EDNRA: variants seen among roughly 807,000 people sequenced by gnomAD.
EDNRA encodes the protein endothelin receptor type A.
EDNRA carries 11 observed loss-of-function variants against 41.4 expected under a neutral mutation model. The observed-to-expected ratio is 0.27, with a 90% CI of 0.17 to 0.44. EDNRA has a LOEUF of 0.44. Among genes scored for constraint, EDNRA ranks in the 20% least tolerant of loss-of-function variants. The pLI is 1.00. For missense variants in EDNRA, 294 were observed against 531.0 expected (o/e 0.55, Z 4.39); for synonymous variants, 172 against 183.0 (o/e 0.94, Z 0.49).
At chr4:147,490,157 A>T (rs1729091325) in intron 2 of EDNRA, 1 of 133,514 alleles carries the variant, frequency 7.5e-6, no homozygotes, top group South Asian at 2.1e-4. Flanking sequence ...TCACACACAC[A>T]CACACACACA....
chr4:147,519,806 C>T lies in EDNRA; in HGVS notation c.421-45C>T, dbSNP rs200517333. 75 of 1,598,754 alleles carry T rather than the reference C, an allele frequency of 4.7e-5. No individual in the cohort carries two copies. In the East Asian group the frequency reaches 4.8e-4, roughly 10 times the overall value. The stretch of plus-strand genomic sequence containing the variant: ...TAAAACTGTAAGTGCCCACATGCTC[C>T]GTGCCAGCTCTACCATTTCTTACCA... On this transcript the variant is annotated intron_variant, in intron 2 of 7. Transcript: ENST00000651419. The surrounding 1 kb of genome is among the most constrained non-coding windows in gnomAD (Gnocchi z 4.1).
rs1730243311 is a variant in EDNRA at position 147,519,625 on chromosome 4, T to C, written c.421-226T>C. On this transcript the variant is annotated intron_variant, in intron 2 of 7. Transcript: ENST00000651419. The surrounding 1 kb of genome is among the most constrained non-coding windows in gnomAD (Gnocchi z 4.1). ...ATCACAATATATTCATGTTACTACA[T>C]ATTAATAATAATAAATTATATCTGT... 6.6e-6 allele frequency among the ~76,000 whole-genome samples: 1 copy of C among 151,040 alleles called. No individual in the cohort carries two copies. The highest frequency in any genetic ancestry group is 2.1e-4 in the South Asian group (1 of 4,828).
Position 147,542,854 on chromosome 4 carries a change from T to A in EDNRA, c.*236T>A. The A allele has an allele frequency of 2.4e-6, 1 of 414,998 alleles. No individual in the cohort carries two copies. Among genetic ancestry groups the A allele is most frequent in the Non-Finnish European group, 4.2e-6 (1 of 238,192 alleles). The allele number at this position is 414,998 out of a possible 1,614,324, so 25.7% of individuals were successfully genotyped here. The stretch of plus-strand genomic sequence containing the variant: ...ATATTCTGCGTGTTGTATTCAGCAC[T>A]AAAAAATGGTGGGAGCTGGGGGAGA... On this transcript the variant is annotated 3_prime_UTR_variant, in exon 8 of 8. Transcript: ENST00000651419.
intron 2 of EDNRA, chr4:147,506,120 T>TA: frequency 1.9e-6 from 1 of 526,862 alleles, no homozygotes; most frequent in South Asian, 1.4e-5. Flanking sequence ...AGCAATGAGC[T>TA]AAAGCCCCTG....
At chr4:147,512,301 A>G (rs1377561892) in intron 2 of EDNRA, among the ~76,000 whole-genome samples, 1 of 152,234 alleles carries the variant, frequency 6.6e-6, no homozygotes, top group African/African-American at 2.4e-5. Context: ...TGAATAATCT[A>G]TCCTCAAAGG....
At chr4:147,517,012 C>A (rs1730138766) in intron 2 of EDNRA, among the ~76,000 whole-genome samples, 1 of 151,488 alleles carries the variant, frequency 6.6e-6, no homozygotes, top group African/African-American at 2.4e-5. Flanking sequence ...AAAGCATATG[C>A]TTCTATGTAC....
rs1730787097 is a variant in EDNRA, at chr4:147,532,580, C to T, written c.623C>T (p.Ser208Phe). The T allele has an allele frequency of 5.0e-6, 8 of 1,613,976 alleles. No individual in the cohort carries two copies. The highest frequency in any genetic ancestry group is 5.9e-6 in the Non-Finnish European group (7 of 1,180,020). Residue 208 changes from serine (S) to phenylalanine (F), a missense_variant, in exon 4 of 8, where the codon TCC (serine) becomes TTC (phenylalanine). Physicochemically the swap from Ser to Phe is radical, Grantham distance 155. This residue lies in a region of EDNRA where 185 missense variants were observed against 390.8 expected (regional missense o/e 0.47). Coordinates refer to ENST00000651419, the MANE Select transcript of EDNRA (RefSeq NM_001957.4). The stretch of plus-strand genomic sequence containing the variant: ...TTGGTAACTGCCATTGAAATTGTCT[C>T]CATCTGGATCCTGTCCTTTATCCTG... Reference protein sequence around the residue: ...IPLVTAIEIVSIWILSFILAI... With the variant: ...IPLVTAIEIVFIWILSFILAI...
At chr4:147,539,638 C>T (rs6841799) in intron 5 of EDNRA, among the ~76,000 whole-genome samples, 179 bp from the exon 6 acceptor site, 2 of 151,828 alleles carry the variant, frequency 1.3e-5, no homozygotes, top group African/African-American at 2.4e-5. Flanking sequence ...GCAATTCCTT[C>T]GTTAGAACAC....
At chr4:147,503,716 G>A (rs1245040299) in intron 2 of EDNRA, among the ~76,000 whole-genome samples, 3 of 151,934 alleles carry the variant, frequency 2.0e-5, no homozygotes, top group Admixed American at 6.6e-5. Flanking sequence ...TCAGAGTTTC[G>A]TCGTCAAAAC....
At chr4:147,490,744 G>A (rs1259251402) in intron 2 of EDNRA, 1 of 152,164 alleles carries the variant, frequency 6.6e-6, no homozygotes, top group Non-Finnish European at 1.5e-5. Flanking sequence ...GTTGTCCATA[G>A]GGAGATGGGT....
chr4:147,505,066 T>C (rs1245788527), intron 2 of EDNRA, among the ~76,000 whole-genome samples: 1 of 149,778 alleles, frequency 6.7e-6, no homozygotes, highest in Non-Finnish European at 1.5e-5. Flanking sequence ...AAAAGACATG[T>C]ACAGAAATTT....
In EDNRA at chr4:147,503,822, G is replaced by C. The variant is rs539378718; in HGVS notation, c.421-16029G>C. Among the ~76,000 whole-genome samples the C allele has an allele frequency of 2.4e-3, 361 of 152,032 alleles. 1 individual carries two copies. Among genetic ancestry groups the C allele is most frequent in the Non-Finnish European group, 4.0e-3 (273 of 67,992 alleles). ...TTGAGGACACCAAATTTTTCTTCAT[G>C]TATGTTATATTGATGGATATTTATG... On this transcript the variant is annotated intron_variant, in intron 2 of 7. Coordinates refer to ENST00000651419, the MANE Select transcript of EDNRA (RefSeq NM_001957.4).
At chr4:147,512,382 T>G (rs1173867336) in intron 2 of EDNRA, among the ~76,000 whole-genome samples, 1 of 152,232 alleles carries the variant, frequency 6.6e-6, no homozygotes, top group Non-Finnish European at 1.5e-5. Flanking sequence ...CTCATCCACC[T>G]TGTTGTTATT....
chr4:147,482,868 C>CCAGGTCAGTTCA (rs1353844896), intron 1 of EDNRA, among the ~76,000 whole-genome samples: 1 of 152,200 alleles, frequency 6.6e-6, no homozygotes, highest in Admixed American at 6.5e-5. Flanking sequence ...CCCACCGTAG[C>CCAGGTCAGTTCA]CAGGTCAGTT....
intron 2 of EDNRA, among the ~76,000 whole-genome samples, chr4:147,508,821 C>T (rs1729822187): frequency 6.6e-6 from 1 of 152,084 alleles, no homozygotes; most frequent in African/African-American, 2.4e-5. Context: ...TATTGTTATG[C>T]CAATACCATC....
chr4:147,516,127 T>C (rs1291497408), intron 2 of EDNRA, among the ~76,000 whole-genome samples: 2 of 152,232 alleles, frequency 1.3e-5, no homozygotes, highest in Non-Finnish European at 2.9e-5. Context: ...TCTCCACGAT[T>C]CTTTCTGTGG....
intron 3 of EDNRA, among the ~76,000 whole-genome samples, chr4:147,523,680 CGG>C (rs1471462978): frequency 6.6e-6 from 1 of 151,730 alleles, no homozygotes. Flanking sequence ...TTAGTAGAGA[CGG>C]GGTTTCACCG....
intron 4 of EDNRA, among the ~76,000 whole-genome samples, chr4:147,535,410 T>C (rs1166102986): frequency 6.6e-6 from 1 of 152,216 alleles, no homozygotes; most frequent in Admixed American, 6.5e-5. Context: ...GATAAGCCAT[T>C]CGTAACCTTC....
Position 147,544,740 on chromosome 4 carries a change from A to G in EDNRA, c.*2122A>G, listed in dbSNP as rs552231708. 1.3e-5 allele frequency: 2 copies of G among 152,702 alleles called. No individual in the cohort carries two copies. The highest frequency in any genetic ancestry group is 6.5e-5 in the Admixed American group (1 of 15,302). The allele number at this position is 152,702 out of a possible 1,614,324, so 9.5% of individuals were successfully genotyped here. ...TGTTTCTTTCATATGAAAAAAATGCATTTTATAAATTCAGAAAGTCATAGA... is the reference window on the plus strand; with the variant it reads ...TGTTTCTTTCATATGAAAAAAATGCGTTTTATAAATTCAGAAAGTCATAGA... On this transcript the variant is annotated 3_prime_UTR_variant, in exon 8 of 8. Coordinates refer to ENST00000651419, the MANE Select transcript of EDNRA (RefSeq NM_001957.4).
Sources: allele counts gnomAD v4.1 joint callset (sites outside exome capture counted in the v4.1 genomes callset), GRCh38; gene constraint gnomAD v4.1.1; regional missense constraint gnomAD v4.1.1; non-coding constraint Gnocchi (gnomAD v3.1); transcripts MANE v1.5; gene names NCBI Gene and HGNC (gene_info 2026-07-23, HGNC 2026-07-21).